TBC1D26: variants seen among roughly 807,000 people sequenced by gnomAD.
TBC1D26 encodes the protein TBC1 domain family, member 26.
TBC1D26 carries 19 observed loss-of-function variants against 42.5 expected under a neutral mutation model. That is an observed-to-expected ratio of 0.45 (90% CI 0.31 to 0.66). The LOEUF (loss-of-function observed/expected upper bound fraction) is 0.66, where lower values mean the gene tolerates loss of function less well. Ranked by LOEUF, TBC1D26 falls within the 30% of genes least tolerant of loss-of-function variation. TBC1D26 has a pLI of 0.06. For missense variants in TBC1D26, 228 were observed against 332.6 expected (o/e 0.69, Z 2.45); for synonymous variants, 97 against 123.5 (o/e 0.79, Z 1.42).
intron 2 of TBC1D26, 56 bp downstream of exon 2, chr17:15,735,126 G>A (rs554265654): frequency 4.8e-5 from 29 of 600,860 alleles, no homozygotes; most frequent in African/African-American, 7.4e-5. Context: ...CCAGGTTCCC[G>A]TGTGCTCAAA....
chr17:15,732,781 G>C (rs1429338704), intron 1 of TBC1D26, among the ~76,000 whole-genome samples: 3 of 152,164 alleles, frequency 2.0e-5, no homozygotes, highest in Admixed American at 6.5e-5. Flanking sequence ...GGGAGGTGGT[G>C]CTCGGTCCAA....
intron 9 of TBC1D26, 120 bp from the exon 10 acceptor site, chr17:15,741,002 C>G: frequency 7.4e-7 from 1 of 1,351,380 alleles, no homozygotes; most frequent in Non-Finnish European, 1.0e-6. Flanking sequence ...CACCTCAAAT[C>G]CCCTGGGGCC....
In TBC1D26 at chr17:15,734,450, G is replaced by A. The variant is rs187428375; in HGVS notation, c.-142-480G>A. 6.6e-5 allele frequency among the ~76,000 whole-genome samples: 10 copies of A among 151,950 alleles called. No homozygotes were observed. In the East Asian group the frequency reaches 1.9e-3, roughly 30 times the overall value. ...GGGGTCCTTCATCTAGGAGTGCGGT[G>A]GGGAGCCCTCTGCCCTCAGGCAGTT... is the stretch of plus-strand genomic sequence containing the variant. On this transcript the variant is annotated intron_variant, in intron 1 of 14. Transcript: ENST00000437605.
chr17:15,741,343 C>T, intron 10 of TBC1D26, 122 bp downstream of exon 10: 1 of 1,551,640 alleles, frequency 6.4e-7, no homozygotes, highest in Non-Finnish European at 8.7e-7. Flanking sequence ...CCTTGTATCC[C>T]AGCTTGTTTG....
rs576137453 is a variant in TBC1D26 at position 15,739,325 on chromosome 17, C to G, written c.497+495C>G. 5.3e-5 allele frequency among the ~76,000 whole-genome samples: 8 copies of G among 152,134 alleles called. No homozygotes were observed. In the South Asian group the frequency reaches 1.7e-3, roughly 32 times the overall value. On this transcript the variant is annotated intron_variant, in intron 8 of 14. Transcript: ENST00000437605. ...CTCAGTGGCCTCGTACCACACATCC[C>G]CAAAGTGTGACAGATATTGGCCACA...
chr17:15,738,540 A>G lies in TBC1D26; in HGVS notation c.387+153A>G, dbSNP rs1398539334. 26 of 1,312,364 alleles carry G rather than the reference A, an allele frequency of 2.0e-5. 1 individual carries two copies. In the Admixed American group the frequency reaches 5.2e-4, roughly 26 times the overall value. 81.3% of individuals were successfully genotyped at this position (1,312,364 alleles called of 1,614,324 possible). On this transcript the variant is annotated intron_variant, in intron 7 of 14. Coordinates refer to ENST00000437605, the MANE Select transcript of TBC1D26 (RefSeq NM_001388465.1). Reference sequence around the variant, plus strand: ...GCATAGATGGTAACTCAGGCACCACAGGTGCGCTGGGCTCTGCTGACCCTC... The same window carrying G: ...GCATAGATGGTAACTCAGGCACCACGGGTGCGCTGGGCTCTGCTGACCCTC...
rs1967868485 is a variant in TBC1D26, at chr17:15,744,561, C to T, written c.1376C>T (p.Pro459Leu). 1.3e-5 allele frequency: 2 copies of T among 152,184 alleles called. No homozygotes were observed. Among genetic ancestry groups the T allele is most frequent in the Non-Finnish European group, 2.9e-5 (2 of 68,044 alleles). 9.4% of individuals were successfully genotyped at this position (152,184 alleles called of 1,614,324 possible). ...GATGCCCCCATGCAGGCCGGTGTGCCCTGGCTGCTCTTGACACCCTCTGGC... is the reference window on the plus strand; with the variant it reads ...GATGCCCCCATGCAGGCCGGTGTGCTCTGGCTGCTCTTGACACCCTCTGGC... ...TRDAPMQAGV[P>L]WLLLTPSGS Residue 459 changes from proline (P) to leucine (L), a missense_variant, in exon 15 of 15, where the codon CCC becomes CTC. Coordinates refer to ENST00000437605, the MANE Select transcript of TBC1D26 (RefSeq NM_001388465.1).
chr17:15,740,664 T>TGCATGAGCTGCCC (rs1967752262), intron 9 of TBC1D26: 1 of 1,086,600 alleles, frequency 9.2e-7, no homozygotes, highest in African/African-American at 1.6e-5. Flanking sequence ...CTGAGCTGAC[T>TGCATGAGCTGCCC]GCATGAGCTG....
At chr17:15,742,319 G>T (rs1441463050) in intron 11 of TBC1D26, 95 bp from the exon 12 acceptor site, 2 of 477,404 alleles carry the variant, frequency 4.2e-6, no homozygotes, top group Non-Finnish European at 7.6e-6. Flanking sequence ...ACCGCCCTGG[G>T]TTGTGCCATT....
chr17:15,736,945 C>A (rs1007772435), intron 4 of TBC1D26, among the ~76,000 whole-genome samples: 5 of 152,154 alleles, frequency 3.3e-5, no homozygotes, highest in African/African-American at 1.2e-4. Context: ...GCAGGGTGAG[C>A]GGCCAGGATG....
Position 15,732,366 on chromosome 17 carries a change from A to G in TBC1D26, c.-161A>G, listed in dbSNP as rs1967511903. 7.0e-6 allele frequency: 1 copy of G among 142,452 alleles called. No homozygotes were observed. The highest frequency in any genetic ancestry group is 2.4e-4 in the South Asian group (1 of 4,142). The allele number at this position is 142,452 out of a possible 1,614,324, so 8.8% of individuals were successfully genotyped here. A position where few individuals can be genotyped will look rare whatever the true frequency, so the allele number is the denominator to read the frequency against. ...GAAGTTTTGCTAAGTGAGAGACACA[A>G]CTGACTCAACTGACTCAGGTGAGTG... On this transcript the variant is annotated 5_prime_UTR_variant, in exon 1 of 15. Coordinates refer to ENST00000437605, the MANE Select transcript of TBC1D26 (RefSeq NM_001388465.1).
intron 1 of TBC1D26, among the ~76,000 whole-genome samples, chr17:15,734,381 A>G (rs1423185239): frequency 6.6e-6 from 1 of 152,160 alleles, no homozygotes; most frequent in African/African-American, 2.4e-5. Flanking sequence ...ACTCAGACCT[A>G]AAGTGCGATC....
chr17:15,741,531 G>A lies in TBC1D26; in HGVS notation c.646+310G>A, dbSNP rs116715064. ...TTGTGCAGGCACCACTCACCTCCCTGAGTGTCTTCCTGCCTCCCAGCTGGC... is the reference window on the plus strand; with the variant it reads ...TTGTGCAGGCACCACTCACCTCCCTAAGTGTCTTCCTGCCTCCCAGCTGGC... On this transcript the variant is annotated intron_variant, in intron 10 of 14. Transcript: ENST00000437605. 2.6e-3 allele frequency: 1,242 copies of A among 481,832 alleles called. 14 individuals carry two copies. The highest frequency in any genetic ancestry group is 0.022 in the African/African-American group (1,130 of 51,586). 29.8% of individuals were successfully genotyped at this position (481,832 alleles called of 1,614,324 possible).
At chr17:15,734,453 G>T (rs1458948074) in intron 1 of TBC1D26, among the ~76,000 whole-genome samples, 1 of 151,790 alleles carries the variant, frequency 6.6e-6, no homozygotes, top group Non-Finnish European at 1.5e-5. Flanking sequence ...GTGCGGTGGG[G>T]AGCCCTCTGC....
chr17:15,739,380 C>T (rs558583004), intron 8 of TBC1D26, among the ~76,000 whole-genome samples: 5 of 152,390 alleles, frequency 3.3e-5, no homozygotes, highest in Non-Finnish European at 7.3e-5. Flanking sequence ...CCAAGTAAAA[C>T]CCGCATGTGA....
intron 1 of TBC1D26, among the ~76,000 whole-genome samples, chr17:15,732,877 C>G (rs1967519777): frequency 6.6e-6 from 1 of 152,154 alleles, no homozygotes; most frequent in Non-Finnish European, 1.5e-5. Context: ...CCGTGGGACC[C>G]AGTGGACACA....
chr17:15,741,463 C>A, intron 10 of TBC1D26: 1 of 622,340 alleles, frequency 1.6e-6, no homozygotes, highest in South Asian at 2.0e-5. Context: ...GGCATGGATA[C>A]CTCCCCCTGG....
At chr17:15,737,331 G>A (rs558120756) in intron 4 of TBC1D26, among the ~76,000 whole-genome samples, 153 bp from the exon 5 acceptor site, 15 of 152,318 alleles carry the variant, frequency 9.8e-5, no homozygotes, top group African/African-American at 2.6e-4. Context: ...TGTCAGATCC[G>A]CAGGGAGGCC....
intron 5 of TBC1D26, 90 bp downstream of exon 5, chr17:15,737,613 T>G (rs1244801923): frequency 1.0e-5 from 15 of 1,498,520 alleles, no homozygotes; most frequent in Non-Finnish European, 1.4e-5. Flanking sequence ...TGTGGGCCTG[T>G]GTGGTGGTGA....
Sources: gnomAD v4.1 joint callset for allele counts (sites outside exome capture counted in the v4.1 genomes callset) on GRCh38, gnomAD v4.1.1 for gene constraint, MANE v1.5 for transcripts, NCBI Gene and HGNC (gene_info 2026-07-23, HGNC 2026-07-21) for gene names.